KIAA1549L: variants seen among roughly 807,000 people sequenced by gnomAD.
The protein encoded by KIAA1549L is UPF0606 protein KIAA1549L.
Under a neutral mutation model 160.7 loss-of-function variants are expected in KIAA1549L, and 88 were observed. The observed-to-expected ratio is 0.55, with a 90% CI of 0.46 to 0.65. The LOEUF is 0.65. KIAA1549L is among the 30% of genes least tolerant of loss of function. KIAA1549L has a pLI of 0.00. For synonymous variants in KIAA1549L, 950 were observed against 976.7 expected, an observed-to-expected ratio of 0.97 and a Z score of 0.51; for missense variants, 2,258 against 2,437.5, an observed-to-expected ratio of 0.93 and a Z score of 1.55.
At chr11:33,441,491 GCCACA>G (rs1174813230) in intron 1 of KIAA1549L, among the ~76,000 whole-genome samples, 1 of 97,914 alleles carries the variant, frequency 1.0e-5, no homozygotes, top group South Asian at 3.3e-4. Context: ...CTGAGGAATC[GCCACA>G]CGACTTCCAC....
At chr11:33,497,855 C>G (rs922533489) in intron 1 of KIAA1549L, among the ~76,000 whole-genome samples, 1 of 152,190 alleles carries the variant, frequency 6.6e-6, no homozygotes, top group Non-Finnish European at 1.5e-5. Context: ...ACAGCTCTTG[C>G]ACTACATGCC....
chr11:33,667,364 C>T (rs1852500126), intron 20 of KIAA1549L, among the ~76,000 whole-genome samples: 1 of 151,888 alleles, frequency 6.6e-6, no homozygotes, highest in South Asian at 2.1e-4. Context: ...TTAATTCATC[C>T]AAACAGTATA....
chr11:33,478,302 A>G (rs1852334011), intron 1 of KIAA1549L, among the ~76,000 whole-genome samples: 1 of 152,216 alleles, frequency 6.6e-6, no homozygotes, highest in Admixed American at 6.5e-5. Context: ...CCTGACAAGC[A>G]TGCCTGGCTT....
In KIAA1549L at chr11:33,544,830, A is replaced by C. The variant is rs753780783; in HGVS notation, c.2837A>C (p.Lys946Thr). ...GCTGCCGTCACATTGTTTCTGAGGA[A>C]ATCAAGTCCACCTGCACTGTCTGCA... ...AAAAVTLFLR[K>T]SSPPALSAAL... Residue 946 changes from lysine (K) to threonine (T), a missense_variant, in exon 3 of 21, where the codon AAA becomes ACA. Transcript: ENST00000658780. The C allele has an allele frequency of 5.7e-5, 92 of 1,612,540 alleles. No individual in the cohort carries two copies. Among genetic ancestry groups the C allele is most frequent in the Non-Finnish European group, 7.7e-5 (91 of 1,178,846 alleles).
intron 9 of KIAA1549L, 141 bp downstream of exon 9, chr11:33,568,368 TTAGGTTTTGGGAACTGACGGTCATAAC>T: frequency 1.3e-6 from 1 of 761,608 alleles, no homozygotes; most frequent in Non-Finnish European, 2.0e-6. Flanking sequence ...AAGGCTGCTC[TTAGGTTTTGGGAACTGACGGTCATAAC>T]CATCAAAAAC....
Position 33,559,854 on chromosome 11 carries a change from C to G in KIAA1549L, c.3961C>G (p.Leu1321Val), listed in dbSNP as rs1426527895. 1 of 1,613,980 alleles carries G rather than the reference C, an allele frequency of 6.2e-7. No individual in the cohort carries two copies. The highest frequency in any genetic ancestry group is 8.5e-7 in the Non-Finnish European group (1 of 1,179,840). Residue 1321 changes from leucine (L) to valine (V), a missense_variant, in exon 7 of 21, where the codon CTC becomes GTC. Physicochemically the swap from Leu to Val is conservative, Grantham distance 32 (BLOSUM62 1). This residue lies in a region of KIAA1549L where 1,359 missense variants were observed against 1,546.6 expected (regional missense o/e 0.88). Transcript: ENST00000658780. ...GTVASSLLSQ[L>V]SAELVGFYLT... ...CGTCGCCAGCAGCCTCCTCAGCCAGCTCTCGGCTGAGCTGGTGGGATTCTA... is the reference window on the plus strand; with the variant it reads ...CGTCGCCAGCAGCCTCCTCAGCCAGGTCTCGGCTGAGCTGGTGGGATTCTA...
intron 1 of KIAA1549L, among the ~76,000 whole-genome samples, chr11:33,386,765 G>A (rs1188958278): frequency 1.3e-5 from 2 of 151,710 alleles, no homozygotes; most frequent in South Asian, 2.1e-4. Context: ...CTGTAGTTTT[G>A]TTTTGCTAAA....
At chr11:33,654,100 G>A (rs1271862764) in intron 17 of KIAA1549L, among the ~76,000 whole-genome samples, 1 of 151,508 alleles carries the variant, frequency 6.6e-6, no homozygotes, top group Non-Finnish European at 1.5e-5. Context: ...AGCCTCCCGA[G>A]TAGCTGGGAT....
intron 8 of KIAA1549L, among the ~76,000 whole-genome samples, chr11:33,563,351 A>G (rs74874844): frequency 2.1e-5 from 2 of 94,206 alleles, no homozygotes; most frequent in East Asian, 9.1e-4. Flanking sequence ...CGTGTCTCAA[A>G]AAAAAAAAAA....
chr11:33,493,304 C>A (rs981742018), intron 1 of KIAA1549L, among the ~76,000 whole-genome samples: 1 of 152,104 alleles, frequency 6.6e-6, no homozygotes, highest in Non-Finnish European at 1.5e-5. Flanking sequence ...GCTCTCTTGC[C>A]CCCTTCTTCC....
At chr11:33,630,220 C>G (rs1420677350) in intron 16 of KIAA1549L, among the ~76,000 whole-genome samples, 1 of 152,208 alleles carries the variant, frequency 6.6e-6, no homozygotes, top group Non-Finnish European at 1.5e-5. Context: ...GCAGAGGTTA[C>G]TGCTGTCTTT....
rs767976083 is a variant in KIAA1549L, at chr11:33,574,824, C to T, written c.4353C>T (p.Ser1451=). The T allele has an allele frequency of 1.2e-6, 2 of 1,613,876 alleles. No individual in the cohort carries two copies. Among genetic ancestry groups the T allele is most frequent in the African/African-American group, 2.7e-5 (2 of 74,928 alleles). Residue 1451 remains serine, a synonymous_variant, in exon 10 of 21, where the codon TCC becomes TCT. Transcript: ENST00000658780. ...AAAKILSTID[S]QRMALTLHHV... ...CCAAGATCCTGAGCACCATTGATTCCCAAAGGATGGCCTTGACCCTTCATC... is the reference window on the plus strand; with the variant it reads ...CCAAGATCCTGAGCACCATTGATTCTCAAAGGATGGCCTTGACCCTTCATC...
At position 33,568,191 on chromosome 11, in the gene KIAA1549L, T is replaced by G. The variant is rs758826541; in HGVS notation, c.4194T>G (p.Phe1398Leu). Residue 1398 changes from phenylalanine (F) to leucine (L), a missense_variant, in exon 9 of 21, where the codon TTT (phenylalanine) becomes TTG (leucine). Physicochemically the swap from Phe to Leu is conservative, Grantham distance 22 (BLOSUM62 0). Around this residue, in one of 6 missense-constraint regions of KIAA1549L, gnomAD observed 1,359 missense variants for 1,546.6 expected, o/e 0.88. Transcript: ENST00000658780. Reference sequence around the variant, plus strand: ...TGTCCCAGCAACAAGGCCGGCGGTTTAAACGGGCCACCACCCTGGGAAGCT... The same window carrying G: ...TGTCCCAGCAACAAGGCCGGCGGTTGAAACGGGCCACCACCCTGGGAAGCT... ...FMMSQQQGRR[F>L]KRATTLGSYT... 2 of 1,613,490 alleles carry G rather than the reference T, an allele frequency of 1.2e-6. No homozygotes were observed. The highest frequency in any genetic ancestry group is 1.7e-6 in the Non-Finnish European group (2 of 1,179,794).
At position 33,628,337 on chromosome 11, in the gene KIAA1549L, C is replaced by A. The variant is rs889136394; in HGVS notation, c.5409+9675C>A. Among the ~76,000 whole-genome samples the A allele has an allele frequency of 5.4e-3, 821 of 151,678 alleles. 17 individuals are homozygous for A. Among genetic ancestry groups the A allele is most frequent in the African/African-American group, 0.019 (771 of 41,112 alleles). ...AGAGCTGAGTTCAATTCCTGGATAT[C>A]CTTGTTGACTTTCTGTCTCGTTGAT... On this transcript the variant is annotated intron_variant, in intron 16 of 20. Coordinates refer to ENST00000658780, the MANE Select transcript of KIAA1549L (RefSeq NM_012194.3).
chr11:33,663,039 A>AT (rs1852319037), intron 20 of KIAA1549L, among the ~76,000 whole-genome samples: 1 of 152,202 alleles, frequency 6.6e-6, no homozygotes, highest in South Asian at 2.1e-4. Context: ...TGCCCATGAA[A>AT]GGAGCAAGGT....
intron 14 of KIAA1549L, among the ~76,000 whole-genome samples, chr11:33,607,108 G>A (rs187570856): frequency 5.3e-5 from 8 of 152,152 alleles, no homozygotes; most frequent in South Asian, 2.1e-4. Context: ...CCTGCTCCCC[G>A]ACCCCCTCAC....
chr11:33,634,836 A>C (rs9737368), intron 16 of KIAA1549L, among the ~76,000 whole-genome samples: 6,653 of 152,208 alleles, frequency 0.044, 253 homozygotes, highest in East Asian at 0.19. Flanking sequence ...TTTCTACTGA[A>C]CTGAAACACA....
At chr11:33,651,731 C>T (rs972640432) in intron 17 of KIAA1549L, among the ~76,000 whole-genome samples, 3 of 152,054 alleles carry the variant, frequency 2.0e-5, no homozygotes, top group Non-Finnish European at 2.9e-5. Flanking sequence ...CACTGGGGCT[C>T]GTCAGAGCTC....
chr11:33,598,582 T>TA (rs1453497768), intron 12 of KIAA1549L, among the ~76,000 whole-genome samples: 1 of 152,186 alleles, frequency 6.6e-6, no homozygotes, highest in African/African-American at 2.4e-5. Flanking sequence ...CACCCAAGGC[T>TA]GCGCTCACTG....
Sources: gnomAD v4.1 joint callset for allele counts (sites outside exome capture counted in the v4.1 genomes callset) on GRCh38, gnomAD v4.1.1 for gene constraint, gnomAD v4.1.1 regional missense constraint, MANE v1.5 for transcripts, NCBI Gene and HGNC (gene_info 2026-07-23, HGNC 2026-07-21) for gene names.